CHMP1A: variants seen among roughly 807,000 people sequenced by gnomAD.
CHMP1A encodes the protein charged multivesicular body protein 1A, also known as VPS46 homolog A.
In CHMP1A, 17 loss-of-function variants were observed where a neutral mutation model predicts 27.0. The ratio of observed to expected loss-of-function variants is 0.63; its 90% CI spans 0.43 to 0.95. CHMP1A has a LOEUF of 0.95. Among genes scored for constraint, CHMP1A ranks in the 40% least tolerant of loss-of-function variants. The pLI, the probability that CHMP1A is intolerant of heterozygous loss-of-function variation, is 0.00. For synonymous variants in CHMP1A, 131 were observed against 107.5 expected (o/e 1.22, Z -1.35); for missense variants, 275 against 264.0 (o/e 1.04, Z -0.29).
At chr16:89,650,016 G>A (rs540543011) in intron 3 of CHMP1A, among the ~76,000 whole-genome samples, 84 of 152,132 alleles carry the variant, frequency 5.5e-4, no homozygotes, top group African/African-American at 1.9e-3. Context: ...CACTGGGCAC[G>A]GGACACAGCG....
Position 89,646,465 on chromosome 16 carries a change from C to A in CHMP1A, c.569+62G>T, listed in dbSNP as rs1043965911. The A allele has an allele frequency of 2.4e-5, 35 of 1,467,796 alleles. No individual in the cohort carries two copies. In the African/African-American group the frequency reaches 4.6e-4, roughly 19 times the overall value. The allele number at this position is 1,467,796 out of a possible 1,614,324, so 90.9% of individuals were successfully genotyped here. On this transcript the variant is annotated intron_variant, in intron 6 of 6. Transcript: ENST00000397901. ...TCCAGCCTCTAACCCACAACCCTCT[C>A]TCCCTTCCCACAGCACCAGAGCGTG...
intron 4 of CHMP1A, among the ~76,000 whole-genome samples, chr16:89,648,570 T>G (rs8061010): frequency 5.3e-5 from 8 of 152,112 alleles, no homozygotes; most frequent in South Asian, 2.1e-4. Context: ...AGGCTCTGCC[T>G]CTTGTGGGAG....
At chr16:89,647,557 G>A (rs1302161833) in intron 4 of CHMP1A, among the ~76,000 whole-genome samples, 15 of 147,332 alleles carry the variant, frequency 1.0e-4, no homozygotes, top group African/African-American at 3.6e-4. Flanking sequence ...AAAGGCCGCC[G>A]ACGTGGAGAC....
At chr16:89,647,354 A>G (rs781616306) in intron 4 of CHMP1A, 23 bp from the exon 5 acceptor site, 2 of 1,597,732 alleles carry the variant, frequency 1.3e-6, no homozygotes, top group Middle Eastern at 1.7e-4. Flanking sequence ...AGAGCGCAGG[A>G]GGGAACAGGA....
At chr16:89,654,070 C>A (rs1240124406) in intron 1 of CHMP1A, 147 bp from the exon 2 acceptor site, 6 of 849,622 alleles carry the variant, frequency 7.1e-6, no homozygotes, top group South Asian at 1.5e-5. Context: ...GGGGAGCCCC[C>A]CCCAACAGGG....
At position 89,647,204 on chromosome 16, in the gene CHMP1A, G is replaced by A. The variant is rs201945919; in HGVS notation, c.380C>T (p.Ser127Leu). ...GCCCCAAGGGTAGGGGCCACATACC[G>A]ATGTATGGACGTCCAGGTTCTGCAC... ...QQVQNLDVHT[S>L]VMEDSMSSAT... is the part of the protein sequence containing the mutation. Residue 127 changes from serine (S) to leucine (L), a missense_variant and splice_region_variant, in exon 5 of 7, where the codon TCG becomes TTG. Ser to Leu is a moderately radical substitution (Grantham distance 145). Transcript: ENST00000397901. The A allele has an allele frequency of 3.8e-5, 61 of 1,608,746 alleles. No homozygotes were observed. The highest frequency in any genetic ancestry group is 1.6e-4 in the Middle Eastern group (1 of 6,078).
At chr16:89,653,507 C>T (rs1241113070) in intron 2 of CHMP1A, among the ~76,000 whole-genome samples, 1 of 150,510 alleles carries the variant, frequency 6.6e-6, no homozygotes, top group African/African-American at 2.4e-5. Context: ...CCTGTAGTCC[C>T]AGCTACTCAG....
intron 3 of CHMP1A, among the ~76,000 whole-genome samples, chr16:89,650,920 C>T (rs1056525333): frequency 6.6e-6 from 1 of 152,200 alleles, no homozygotes; most frequent in Non-Finnish European, 1.5e-5. Flanking sequence ...GAAGGCAATG[C>T]ACTCATCTCT....
intron 1 of CHMP1A, among the ~76,000 whole-genome samples, chr16:89,656,655 T>C (rs2151519237): frequency 6.6e-6 from 1 of 152,336 alleles, no homozygotes; most frequent in South Asian, 2.1e-4. Flanking sequence ...ACATGGAGAA[T>C]GGACGCAAAG....
At chr16:89,657,475 G>A in intron 1 of CHMP1A, 107 bp downstream of exon 1, 2 of 1,417,386 alleles carry the variant, frequency 1.4e-6, no homozygotes, top group South Asian at 1.2e-5. Context: ...CGAGGCCCGA[G>A]CTCTCCTGAG....
intron 4 of CHMP1A, among the ~76,000 whole-genome samples, chr16:89,647,611 C>T (rs2059787059): frequency 7.7e-6 from 1 of 129,934 alleles, no homozygotes; most frequent in African/African-American, 2.7e-5. Flanking sequence ...CGTGGAGACC[C>T]AGTGCGGGGT....
Position 89,653,886 on chromosome 16 carries a change from C to G in CHMP1A, c.27+18G>C. 6.2e-7 allele frequency: 1 copy of G among 1,612,386 alleles called. No individual in the cohort carries two copies. The highest frequency in any genetic ancestry group is 1.1e-5 in the South Asian group (1 of 91,050). ...CTCACCAGAACAGGGCTGGGGTGAA[C>G]GGCCATTCGGTACATACCTTCAACT... is the stretch of plus-strand genomic sequence containing the variant. On this transcript the variant is annotated intron_variant, in intron 2 of 6. Coordinates refer to ENST00000397901, the MANE Select transcript of CHMP1A (RefSeq NM_002768.5).
rs34878706 is a variant in CHMP1A, at chr16:89,657,462, G to A, written c.7+120C>T. 111,688 of 1,262,972 alleles carry A rather than the reference G, an allele frequency of 0.088. 6,542 individuals are homozygous for A. The highest frequency in any genetic ancestry group is 0.14 in the Admixed American group (6,405 of 46,718). 78.2% of individuals were successfully genotyped at this position (1,262,972 alleles called of 1,614,324 possible). A position where few individuals can be genotyped will look rare whatever the true frequency, so the allele number is the denominator to read the frequency against. ...GGGGATGGGGTCCCGGGGGATCGACGGTCGAGGCCCGAGCTCTCCTGAGTC... is the reference window on the plus strand; with the variant it reads ...GGGGATGGGGTCCCGGGGGATCGACAGTCGAGGCCCGAGCTCTCCTGAGTC... On this transcript the variant is annotated intron_variant, in intron 1 of 6. Transcript: ENST00000397901.
intron 1 of CHMP1A, among the ~76,000 whole-genome samples, chr16:89,654,187 T>C (rs1159842558): frequency 2.6e-5 from 4 of 152,172 alleles, no homozygotes; most frequent in African/African-American, 4.8e-5. Flanking sequence ...ATGAGGGTGG[T>C]ACCAGCCAAT....
Position 89,646,405 on chromosome 16 carries a change from G to A in CHMP1A, c.569+122C>T, listed in dbSNP as rs1410225124. ...AGCTGGGGCCTCTGAGTCGAGATCA[G>A]GGCTCCCTGGTCGGAGCCTCAGCCC... is the stretch of plus-strand genomic sequence containing the variant. On this transcript the variant is annotated intron_variant, in intron 6 of 6. Coordinates refer to ENST00000397901, the MANE Select transcript of CHMP1A (RefSeq NM_002768.5). 1.1e-5 allele frequency: 12 copies of A among 1,138,738 alleles called. No individual in the cohort carries two copies. In the South Asian group the frequency reaches 1.5e-4, roughly 15 times the overall value. The allele number at this position is 1,138,738 out of a possible 1,614,324, so 70.5% of individuals were successfully genotyped here.
In CHMP1A at chr16:89,656,809, G is replaced by A. The variant is rs79266950; in HGVS notation, c.7+773C>T. On this transcript the variant is annotated intron_variant, in intron 1 of 6. Transcript: ENST00000397901. The stretch of plus-strand genomic sequence containing the variant: ...CCGACATTCCAAGTCCCGAAAGGCC[G>A]AACAGGCATCGCACAGTCCCCCCTA... Among the ~76,000 whole-genome samples the A allele has an allele frequency of 1.2e-4, 18 of 152,176 alleles. No homozygotes were observed. In the East Asian group the frequency reaches 2.9e-3, roughly 25 times the overall value.
chr16:89,646,156 C>T (rs1005356277), intron 6 of CHMP1A, 69 bp from the exon 7 acceptor site: 3 of 1,407,674 alleles, frequency 2.1e-6, no homozygotes, highest in African/African-American at 1.4e-5. Context: ...GTGCTCCCAG[C>T]ACAGGTGACC....
At chr16:89,656,285 C>T (rs559479577) in intron 1 of CHMP1A, among the ~76,000 whole-genome samples, 25 of 152,196 alleles carry the variant, frequency 1.6e-4, no homozygotes, top group African/African-American at 5.3e-4. Context: ...TACAGGCACC[C>T]GCCACCACGC....
intron 2 of CHMP1A, 63 bp from the exon 3 acceptor site, chr16:89,651,709 C>G: frequency 6.7e-7 from 1 of 1,488,200 alleles, no homozygotes; most frequent in South Asian, 1.2e-5. Context: ...GCCCGGCTCT[C>G]CACACCCCCA....
Sources: allele counts gnomAD v4.1 joint callset (sites outside exome capture counted in the v4.1 genomes callset), GRCh38; gene constraint gnomAD v4.1.1; transcripts MANE v1.5; gene names NCBI Gene and HGNC (gene_info 2026-07-23, HGNC 2026-07-21).